Variants in LRRC58 observed in about 807,000 individuals in gnomAD.
The protein encoded by LRRC58 is leucine-rich repeat-containing protein 58.
Under a neutral mutation model 30.6 loss-of-function variants are expected in LRRC58, and 18 were observed. The observed-to-expected ratio is 0.59, with a 90% CI of 0.41 to 0.87. The LOEUF (loss-of-function observed/expected upper bound fraction) is 0.87, where lower values mean the gene tolerates loss of function less well. Among genes scored for constraint, LRRC58 ranks in the 40% least tolerant of loss-of-function variants. LRRC58 has a pLI of 0.00. For missense variants in LRRC58, 420 were observed against 468.4 expected, an observed-to-expected ratio of 0.90 and a Z score of 0.95; for synonymous variants, 221 against 206.0, an observed-to-expected ratio of 1.07 and a Z score of -0.62.
chr3:120,335,985 T>A, intron 1 of LRRC58, 32 bp from the exon 2 acceptor site: 1 of 1,470,528 alleles, frequency 6.8e-7, no homozygotes, highest in Non-Finnish European at 9.3e-7. Context: ...ACCAAAAAAG[T>A]AAATAAAGTT....
At chr3:120,340,948 C>G (rs1235861577) in intron 1 of LRRC58, among the ~76,000 whole-genome samples, 1 of 152,132 alleles carries the variant, frequency 6.6e-6, no homozygotes, top group East Asian at 1.9e-4. Context: ...AAACGTATCT[C>G]TGATCGTGTA....
At chr3:120,337,941 C>G (rs1282162044) in intron 1 of LRRC58, among the ~76,000 whole-genome samples, 1 of 152,072 alleles carries the variant, frequency 6.6e-6, no homozygotes, top group African/African-American at 2.4e-5. Context: ...CGAGTTAGGT[C>G]AAGCAATTCT....
chr3:120,337,416 A>C (rs1048078082), intron 1 of LRRC58, among the ~76,000 whole-genome samples: 5 of 152,214 alleles, frequency 3.3e-5, no homozygotes, highest in Admixed American at 6.5e-5. Flanking sequence ...ACATTTGTAT[A>C]TCTTTAGAGA....
Position 120,349,297 on chromosome 3 carries a change from C to A in LRRC58, c.-54G>T, listed in dbSNP as rs541459618. 2.1e-4 allele frequency: 276 copies of A among 1,342,640 alleles called. 1 individual carries two copies. In the Middle Eastern group the frequency reaches 5.8e-3, roughly 28 times the overall value. The allele number at this position is 1,342,640 out of a possible 1,614,324, so 83.2% of individuals were successfully genotyped here. ...GATTCCCCAGAGCGCCGCGCGCGGT[C>A]CAGAGGCCGGGAGCTCTGCGGCGCC... On this transcript the variant is annotated 5_prime_UTR_variant, in exon 1 of 4. Coordinates refer to ENST00000295628, the MANE Select transcript of LRRC58 (RefSeq NM_001099678.2).
rs1027799114 is a variant in LRRC58, at chr3:120,349,108, G to C, written c.136C>G (p.Leu46Val). The change falls in exon 1 of 4, where the codon CTG becomes GTG. Residue 46 changes from leucine to valine, a missense_variant. Physicochemically the swap from Leu to Val is conservative, Grantham distance 32 (BLOSUM62 1). Transcript: ENST00000295628. ...GEERRGAREA[L>V]LRLLLPHNRL... The stretch of plus-strand genomic sequence containing the variant: ...TTGTGAGGCAGCAGCAGCCGCAGCA[G>C]CGCCTCCCGCGCCCCGCGCCGCTCC... 1.3e-6 allele frequency: 2 copies of C among 1,510,688 alleles called. No individual in the cohort carries two copies. The highest frequency in any genetic ancestry group is 2.9e-5 in the African/African-American group (2 of 69,322). 93.6% of individuals were successfully genotyped at this position (1,510,688 alleles called of 1,614,324 possible).
At chr3:120,346,828 C>G (rs1336771732) in intron 1 of LRRC58, among the ~76,000 whole-genome samples, 1 of 152,190 alleles carries the variant, frequency 6.6e-6, no homozygotes, top group Non-Finnish European at 1.5e-5. Flanking sequence ...AAATCTCTAT[C>G]TCTTCACCCT....
intron 1 of LRRC58, 123 bp downstream of exon 1, chr3:120,348,621 G>T (rs1576186754): frequency 2.6e-6 from 3 of 1,152,024 alleles, no homozygotes; most frequent in Admixed American, 3.2e-5. Context: ...ACTCACTACC[G>T]CACAGTTAAA....
At position 120,349,063 on chromosome 3, in the gene LRRC58, G is replaced by C; in HGVS notation, c.181C>G (p.Arg61Gly). 1 of 1,518,298 alleles carries C rather than the reference G, an allele frequency of 6.6e-7. No homozygotes were observed. Among genetic ancestry groups the C allele is most frequent in the Non-Finnish European group, 8.8e-7 (1 of 1,141,512 alleles). The allele number at this position is 1,518,298 out of a possible 1,614,324, so 94.1% of individuals were successfully genotyped here. Residue 61 changes from arginine (R) to glycine (G), a missense_variant, in exon 1 of 4, where the codon CGG becomes GGG. Transcript: ENST00000295628. ...TGCGGGAAGCCGCTGCCCAGCGCCCGTGGCAGCGACACCAGACGGTTGTGA... is the reference window on the plus strand; with the variant it reads ...TGCGGGAAGCCGCTGCCCAGCGCCCCTGGCAGCGACACCAGACGGTTGTGA... ...LPHNRLVSLP[R>G]ALGSGFPHLQ...
At chr3:120,340,740 A>C (rs943076093) in intron 1 of LRRC58, among the ~76,000 whole-genome samples, 9 of 151,944 alleles carry the variant, frequency 5.9e-5, no homozygotes, top group African/African-American at 2.2e-4. Flanking sequence ...AACAAACAAA[A>C]ACAAAAATTA....
chr3:120,342,388 GAC>G (rs2107626167), intron 1 of LRRC58, among the ~76,000 whole-genome samples: 2 of 152,314 alleles, frequency 1.3e-5, no homozygotes, highest in South Asian at 4.1e-4. Flanking sequence ...GGAGGAAGAA[GAC>G]AGAGAGAAGA....
intron 1 of LRRC58, among the ~76,000 whole-genome samples, chr3:120,345,474 A>G (rs998079603): frequency 7.2e-5 from 11 of 152,250 alleles, no homozygotes; most frequent in Non-Finnish European, 1.0e-4. Flanking sequence ...CAGGTAGTTT[A>G]AGAGACTAAA....
chr3:120,326,927 G>A lies in LRRC58; in HGVS notation c.*4273C>T, dbSNP rs1935683663. On this transcript the variant is annotated 3_prime_UTR_variant, in exon 4 of 4. Coordinates refer to ENST00000295628, the MANE Select transcript of LRRC58 (RefSeq NM_001099678.2). ...TTTTTTCTTTTTTACATAGTGAAAA[G>A]GTAAACATTAACCAAGGCTACCTGT... 1 of 152,096 alleles carries A rather than the reference G, an allele frequency of 6.6e-6. No homozygotes were observed. The highest frequency in any genetic ancestry group is 2.4e-5 in the African/African-American group (1 of 41,414). The allele number at this position is 152,096 out of a possible 1,614,324, so 9.4% of individuals were successfully genotyped here.
In LRRC58 at chr3:120,326,195, G is replaced by A. The variant is rs1383073438; in HGVS notation, c.*5005C>T. ...TTTTTATTTTTATTTTTGAGATAGAGTCTTGCTCTGTCTCCCAGGCTGGAG... is the reference window on the plus strand; with the variant it reads ...TTTTTATTTTTATTTTTGAGATAGAATCTTGCTCTGTCTCCCAGGCTGGAG... On this transcript the variant is annotated 3_prime_UTR_variant, in exon 4 of 4. Transcript: ENST00000295628. 6.6e-6 allele frequency: 1 copy of A among 151,950 alleles called. No homozygotes were observed. The highest frequency in any genetic ancestry group is 1.5e-5 in the Non-Finnish European group (1 of 68,014). 9.4% of individuals were successfully genotyped at this position (151,950 alleles called of 1,614,324 possible).
rs1356104044 is a variant in LRRC58, at chr3:120,330,717, G to A, written c.*483C>T. 1 of 153,300 alleles carries A rather than the reference G, an allele frequency of 6.5e-6. No individual in the cohort carries two copies. The highest frequency in any genetic ancestry group is 6.5e-5 in the Admixed American group (1 of 15,468). 9.5% of individuals were successfully genotyped at this position (153,300 alleles called of 1,614,324 possible). On this transcript the variant is annotated 3_prime_UTR_variant, in exon 4 of 4. Transcript: ENST00000295628. Reference sequence around the variant, plus strand: ...TAGACATACAGGCAATTAGAAAAGGGAGGGTTAATCCTGTTTATGGCATAT... The same window carrying A: ...TAGACATACAGGCAATTAGAAAAGGAAGGGTTAATCCTGTTTATGGCATAT...
chr3:120,343,929 C>G (rs919866819), intron 1 of LRRC58, among the ~76,000 whole-genome samples: 3 of 152,054 alleles, frequency 2.0e-5, no homozygotes, highest in African/African-American at 7.2e-5. Flanking sequence ...ATCCCAGCTA[C>G]TTGGGAGGCT....
chr3:120,348,663 G>A, intron 1 of LRRC58, 81 bp downstream of exon 1: 1 of 1,421,970 alleles, frequency 7.0e-7, no homozygotes, highest in South Asian at 1.5e-5. Context: ...CGTGACAAAC[G>A]TTGAGGTGCC....
At chr3:120,345,205 C>A (rs1935953700) in intron 1 of LRRC58, among the ~76,000 whole-genome samples, 1 of 152,008 alleles carries the variant, frequency 6.6e-6, no homozygotes, top group South Asian at 2.1e-4. Context: ...GTCAATGACA[C>A]CAATTAAGCC....
chr3:120,340,600 G>C (rs1369567964), intron 1 of LRRC58, among the ~76,000 whole-genome samples: 1 of 152,106 alleles, frequency 6.6e-6, no homozygotes, highest in African/African-American at 2.4e-5. Context: ...ATTAGGTCAG[G>C]TGCAGGGGCT....
rs1453954177 is a variant in LRRC58 at position 120,327,264 on chromosome 3, T to G, written c.*3936A>C. ...AAAGATTTCTTTTTTTTTTTTTTTT[T>G]TTTTTGAGACGGAGTCTCGCTCTGT... On this transcript the variant is annotated 3_prime_UTR_variant, in exon 4 of 4. Coordinates refer to ENST00000295628, the MANE Select transcript of LRRC58 (RefSeq NM_001099678.2). 6.9e-6 allele frequency: 1 copy of G among 145,580 alleles called. No homozygotes were observed. Among genetic ancestry groups the G allele is most frequent in the East Asian group, 1.9e-4 (1 of 5,156 alleles). The allele number at this position is 145,580 out of a possible 1,614,324, so 9.0% of individuals were successfully genotyped here.
Sources: allele counts gnomAD v4.1 joint callset (sites outside exome capture counted in the v4.1 genomes callset), GRCh38; gene constraint gnomAD v4.1.1; transcripts MANE v1.5; gene names NCBI Gene and HGNC (gene_info 2026-07-23, HGNC 2026-07-21).